The following PLIN2 variants were observed in gnomAD, a reference collection of about 807,000 sequenced individuals.
PLIN2 encodes the protein perilipin 2, also known as perilipin-2.
Under a neutral mutation model 30.6 loss-of-function variants are expected in PLIN2, and 33 were observed. The observed-to-expected ratio is 1.08, with a 90% CI of 0.82 to 1.44. The LOEUF (loss-of-function observed/expected upper bound fraction) is 1.44. Ranked by LOEUF, PLIN2 falls within the 40% of genes most tolerant of loss-of-function variation. The pLI is 0.00. For missense variants in PLIN2, 610 were observed against 531.8 expected (o/e 1.15, Z -1.45); for synonymous variants, 205 against 201.1 (o/e 1.02, Z -0.16).
rs768566317 is a variant in PLIN2, at chr9:19,116,331, C to T, written c.1231G>A (p.Glu411Lys). Reference protein sequence around the residue: ...LVGPFYPQLTESQNAQDQGAE... With the variant: ...LVGPFYPQLTKSQNAQDQGAE... The stretch of plus-strand genomic sequence containing the variant: ...CCTTGGTCCTGAGCATTCTGAGACT[C>T]AGTCAGCTGAGGATAAAAGGGACCT... The change falls in exon 8 of 8, where the codon GAG becomes AAG. Residue 411 changes from glutamate (E) to lysine (K), a missense_variant. Glu to Lys is a moderately conservative substitution (Grantham distance 56). Transcript: ENST00000276914. The T allele has an allele frequency of 7.4e-6, 12 of 1,614,016 alleles. No homozygotes were observed. In the South Asian group the frequency reaches 1.1e-4, roughly 15 times the overall value.
At chr9:19,118,132 G>C (rs1426487740) in intron 7 of PLIN2, among the ~76,000 whole-genome samples, 189 bp downstream of exon 7, 2 of 152,194 alleles carry the variant, frequency 1.3e-5, no homozygotes, top group East Asian at 3.8e-4. Flanking sequence ...TATACTCATA[G>C]GTTGTTAGAT....
chr9:19,115,981 G>T lies in PLIN2; in HGVS notation c.*267C>A, dbSNP rs1460214136. 6.2e-6 allele frequency: 2 copies of T among 320,240 alleles called. No individual in the cohort carries two copies. The highest frequency in any genetic ancestry group is 4.5e-5 in the Admixed American group (1 of 22,122). 19.8% of individuals were successfully genotyped at this position (320,240 alleles called of 1,614,324 possible). A position where few individuals can be genotyped will look rare whatever the true frequency, so the allele number is the denominator to read the frequency against. On this transcript the variant is annotated 3_prime_UTR_variant, in exon 8 of 8. Coordinates refer to ENST00000276914, the MANE Select transcript of PLIN2 (RefSeq NM_001122.4). ...TAACAGAGGCAACACAATGGCCATA[G>T]AATGAGAACATAAGTGCATTTGAAT... is the stretch of plus-strand genomic sequence containing the variant.
chr9:19,120,965 C>T lies in PLIN2; in HGVS notation c.510G>A (p.Gln170=), dbSNP rs770226484. The T allele has an allele frequency of 6.8e-6, 11 of 1,614,178 alleles. No individual in the cohort carries two copies. The highest frequency in any genetic ancestry group is 8.5e-6 in the Non-Finnish European group (10 of 1,179,986). ...CATTTTCTACGCCACTGCTCACGAG[C>T]TGCATCATCCGACTCCCCAAGACTG... ...INTVLGSRMM[Q]LVSSGVENAL... The change falls in exon 5 of 8, where the codon CAG becomes CAA. Residue 170 remains glutamine (Q), a synonymous_variant. Coordinates refer to ENST00000276914, the MANE Select transcript of PLIN2 (RefSeq NM_001122.4).
At chr9:19,115,090 T>C (rs12237614), downstream of PLIN2, among the ~76,000 whole-genome samples, 9,363 of 152,226 alleles carry the variant, frequency 0.062, 331 homozygotes, top group East Asian at 0.11. Flanking sequence ...ACTCACTTCC[T>C]TTCAGCTCTG....
At chr9:19,117,274 C>T (rs1006943154) in intron 7 of PLIN2, among the ~76,000 whole-genome samples, 1 of 152,016 alleles carries the variant, frequency 6.6e-6, no homozygotes, top group Middle Eastern at 3.2e-3. Context: ...GATCCTCCCA[C>T]CTCAGCCTCT....
chr9:19,120,855 T>C (rs1244936611), intron 5 of PLIN2, 25 bp downstream of exon 5: 4 of 1,557,986 alleles, frequency 2.6e-6, no homozygotes, highest in Admixed American at 1.7e-5. Flanking sequence ...TATAAAACAG[T>C]ATTTCAAGAT....
chr9:19,112,782 A>T (rs551001007), downstream of PLIN2, among the ~76,000 whole-genome samples: 1 of 152,048 alleles, frequency 6.6e-6, no homozygotes, highest in African/African-American at 2.4e-5. Flanking sequence ...ATGCATGTAG[A>T]CACAAACTTG....
At chr9:19,121,314 A>G (rs1818311517) in intron 4 of PLIN2, 149 bp from the exon 5 acceptor site, 1 of 673,434 alleles carries the variant, frequency 1.5e-6, no homozygotes, top group African/African-American at 1.8e-5. Flanking sequence ...AGTCACTAAG[A>G]GTTGATGAGC....
chr9:19,119,450 G>A (rs940348805), intron 6 of PLIN2, among the ~76,000 whole-genome samples, 200 bp downstream of exon 6: 6 of 152,154 alleles, frequency 3.9e-5, no homozygotes, highest in African/African-American at 1.4e-4. Flanking sequence ...ACCCCTCAGA[G>A]CGAGATTAGC....
At chr9:19,123,367 A>G in intron 4 of PLIN2, 198 bp downstream of exon 4, 1 of 1,550,918 alleles carries the variant, frequency 6.4e-7, no homozygotes, top group South Asian at 1.2e-5. Flanking sequence ...AAAGGAGGCT[A>G]GTTCTTCTCT....
chr9:19,112,288 C>G (rs905804262), downstream of PLIN2, among the ~76,000 whole-genome samples: 1 of 152,176 alleles, frequency 6.6e-6, no homozygotes, highest in African/African-American at 2.4e-5. Context: ...TGTTGACGAA[C>G]CTGCCATGGT....
downstream of PLIN2, among the ~76,000 whole-genome samples, chr9:19,114,912 T>C (rs887850682): frequency 9.2e-5 from 14 of 152,354 alleles, no homozygotes; most frequent in Non-Finnish European, 1.5e-4. Flanking sequence ...TCTATACGTA[T>C]GTCCCCAACA....
chr9:19,119,017 T>G (rs1818272597), intron 6 of PLIN2, among the ~76,000 whole-genome samples: 1 of 152,176 alleles, frequency 6.6e-6, no homozygotes, highest in African/African-American at 2.4e-5. Context: ...AATGTGTACA[T>G]GAGTAAAGGA....
At chr9:19,126,084 T>A (rs60329524) in intron 3 of PLIN2, 30 bp downstream of exon 3, 1 of 1,601,622 alleles carries the variant, frequency 6.2e-7, no homozygotes, top group South Asian at 1.1e-5. Context: ...ACCAGTCCCT[T>A]GACTTGCATC....
chr9:19,126,587 C>G, intron 1 of PLIN2, 139 bp from the exon 2 acceptor site: 1 of 622,592 alleles, frequency 1.6e-6, no homozygotes, highest in Non-Finnish European at 2.8e-6. Context: ...TTTCCTCTCT[C>G]CAGCTCTCCA....
At chr9:19,117,361 G>T (rs1412161445) in intron 7 of PLIN2, among the ~76,000 whole-genome samples, 1 of 152,068 alleles carries the variant, frequency 6.6e-6, no homozygotes, top group Non-Finnish European at 1.5e-5. Flanking sequence ...GGGTTTCACA[G>T]TTGCCCAGGC....
chr9:19,117,895 G>C (rs887131388), intron 7 of PLIN2, among the ~76,000 whole-genome samples: 11 of 152,186 alleles, frequency 7.2e-5, no homozygotes, highest in Non-Finnish European at 1.5e-4. Flanking sequence ...GGGATTACAG[G>C]CGTGAGCCAT....
chr9:19,123,170 A>G (rs1818345439), intron 4 of PLIN2: 1 of 590,480 alleles, frequency 1.7e-6, no homozygotes, highest in Non-Finnish European at 3.0e-6. Flanking sequence ...TTTTGTCAAC[A>G]CTGGCTAGCT....
chr9:19,116,316 G>C lies in PLIN2; in HGVS notation c.1246C>G (p.Gln416Glu), dbSNP rs758281077. The change falls in exon 8 of 8, where the codon CAG (glutamine) becomes GAG (glutamate). Residue 416 changes from glutamine (Q) to glutamate (E), a missense_variant. Coordinates refer to ENST00000276914, the MANE Select transcript of PLIN2 (RefSeq NM_001122.4). ...TTGTCCATCTCTGCACCTTGGTCCT[G>C]AGCATTCTGAGACTCAGTCAGCTGA... Reference protein sequence around the residue: ...YPQLTESQNAQDQGAEMDKSS... With the variant: ...YPQLTESQNAEDQGAEMDKSS... The C allele has an allele frequency of 1.2e-6, 2 of 1,613,782 alleles. No homozygotes were observed. The highest frequency in any genetic ancestry group is 1.7e-4 in the Middle Eastern group (1 of 5,922).
Sources: allele counts gnomAD v4.1 joint callset (sites outside exome capture counted in the v4.1 genomes callset), GRCh38; gene constraint gnomAD v4.1.1; transcripts MANE v1.5; gene names NCBI Gene and HGNC (gene_info 2026-07-23, HGNC 2026-07-21).